Variants in NEB observed in about 807,000 individuals in gnomAD.
NEB encodes the protein nemaline myopathy type 2.
A neutral mutation model predicts 952.2 loss-of-function variants in NEB; 512 were observed. That is an observed-to-expected ratio of 0.54 (90% CI 0.50 to 0.58). The LOEUF is 0.58. Ranked by LOEUF, NEB falls within the 20% of genes least tolerant of loss-of-function variation. The pLI, the probability that NEB is intolerant of heterozygous loss-of-function variation, is 0.00. For synonymous variants in NEB, 2,900 were observed against 3,149.8 expected, an observed-to-expected ratio of 0.92 and a Z score of 2.66; for missense variants, 8,428 against 9,231.1, an observed-to-expected ratio of 0.91 and a Z score of 3.56.
intron 55 of NEB, among the ~76,000 whole-genome samples, chr2:151,644,999 A>G (rs2098936111): frequency 6.6e-6 from 1 of 152,184 alleles, no homozygotes; most frequent in Non-Finnish European, 1.5e-5. Flanking sequence ...CTGTAACACA[A>G]TGGGAAGTAT....
Position 151,537,852 on chromosome 2 carries a change from TAGA to T in NEB, c.21102+17_21102+19del, listed in dbSNP as rs1378609693. 10 of 1,488,532 alleles carry T rather than the reference TAGA, an allele frequency of 6.7e-6. No homozygotes were observed. In the East Asian group the frequency reaches 2.3e-4, roughly 34 times the overall value. The allele number at this position is 1,488,532 out of a possible 1,614,324, so 92.2% of individuals were successfully genotyped here. ...GGGAATATGAATTTATATGTGAAAA[TAGA>T]AGATGTCAACACTCACATCACTGAC... On this transcript the variant is annotated intron_variant, in intron 140 of 181. Coordinates refer to ENST00000397345, the MANE Select transcript of NEB (RefSeq NM_001164508.2).
rs2099076718 is a variant in NEB, at chr2:151,655,394, G to A, written c.6703-20C>T. 3 of 1,410,412 alleles carry A rather than the reference G, an allele frequency of 2.1e-6. No homozygotes were observed. Among genetic ancestry groups the A allele is most frequent in the South Asian group, 1.3e-5 (1 of 76,780 alleles). 87.4% of individuals were successfully genotyped at this position (1,410,412 alleles called of 1,614,324 possible). On this transcript the variant is annotated intron_variant, in intron 50 of 181. Coordinates refer to ENST00000397345, the MANE Select transcript of NEB (RefSeq NM_001164508.2). The stretch of plus-strand genomic sequence containing the variant: ...TAAATGCTAGGAAGTGGGAAAAAAA[G>A]ACATGAAATTTGAATAACTGGGACA...
intron 67 of NEB, among the ~76,000 whole-genome samples, chr2:151,630,185 G>T (rs1443928747): frequency 6.6e-6 from 1 of 152,098 alleles, no homozygotes; most frequent in African/African-American, 2.4e-5. Flanking sequence ...AATTTTGGTT[G>T]TATCATATTA....
At chr2:151,498,423 T>C (rs578076414) in intron 169 of NEB, 71 bp from the exon 170 acceptor site, 16 of 1,103,770 alleles carry the variant, frequency 1.4e-5, no homozygotes, top group Non-Finnish European at 2.1e-5. Context: ...TTTGGAGCAG[T>C]TGGGAGTGGG....
intron 42 of NEB, 120 bp from the exon 43 acceptor site, chr2:151,664,983 T>C (rs1267690573): frequency 2.6e-6 from 2 of 756,010 alleles, no homozygotes; most frequent in Non-Finnish European, 4.2e-6. Flanking sequence ...AGAAAATGGA[T>C]GAAATAACAA....
chr2:151,623,239 G>T (rs1008192366), intron 71 of NEB, among the ~76,000 whole-genome samples: 1 of 152,044 alleles, frequency 6.6e-6, no homozygotes, highest in African/African-American at 2.4e-5. Context: ...GGTTTATTGA[G>T]TTAGATAAAG....
At chr2:151,663,012 T>TC (rs1239395207) in intron 45 of NEB, among the ~76,000 whole-genome samples, 1 of 152,196 alleles carries the variant, frequency 6.6e-6, no homozygotes. Flanking sequence ...TCTCCAACCA[T>TC]CAAATGGACT....
intron 8 of NEB, 29 bp from the exon 9 acceptor site, chr2:151,723,515 A>G: frequency 6.7e-7 from 1 of 1,501,094 alleles, no homozygotes; most frequent in Non-Finnish European, 9.2e-7. Flanking sequence ...AAAAGTTAGG[A>G]GGAAGTAGGG....
At position 151,519,009 on chromosome 2, in the gene NEB, G is replaced by A. The variant is rs776071706; in HGVS notation, c.22651C>T (p.Leu7551=). 1 of 1,613,724 alleles carries A rather than the reference G, an allele frequency of 6.2e-7. No individual in the cohort carries two copies. Among genetic ancestry groups the A allele is most frequent in the South Asian group, 1.1e-5 (1 of 91,060 alleles). The change falls in exon 155 of 182, where the codon CTG becomes TTG. Residue 7551 remains leucine, a synonymous_variant. Transcript: ENST00000397345. ...GTATTCAGGACATGATTCATGATCA[G>A]AGACTCCTTCATGTCAGTCACGGGT... The part of the protein sequence containing the change: ...HKPVTDMKES[L]IMNHVLNTSQ...
chr2:151,701,380 A>C (rs1177350551), intron 13 of NEB, among the ~76,000 whole-genome samples: 1 of 151,584 alleles, frequency 6.6e-6, no homozygotes, highest in Admixed American at 6.6e-5. Context: ...CTGGCCTCAT[A>C]AAATGAGTTA....
At position 151,497,278 on chromosome 2, in the gene NEB, G is replaced by GTTATT. The variant is rs199868095; in HGVS notation, c.24301-250_24301-246dup. ...GGGAAAGGCTGTCAGAGTTATCCAT[G>GTTATT]TTATTTTTTTTTTTCCTTTTTTGTG... On this transcript the variant is annotated intron_variant, in intron 171 of 181. Transcript: ENST00000397345. 1,831 of 919,360 alleles carry GTTATT rather than the reference G, an allele frequency of 2.0e-3. 33 individuals are homozygous for GTTATT. The African/African-American group carries it at 0.031, about 15-fold the overall frequency. 57.0% of individuals were successfully genotyped at this position (919,360 alleles called of 1,614,324 possible).
Position 151,489,951 on chromosome 2 carries a change from G to T in NEB, c.25404+20C>A. On this transcript the variant is annotated intron_variant, in intron 181 of 181. Coordinates refer to ENST00000397345, the MANE Select transcript of NEB (RefSeq NM_001164508.2). Reference sequence around the variant, plus strand: ...CAAAAATTAAGAATAATTTATTTAAGTGAGTTGTTATTCACTTACTCCAGC... The same window carrying T: ...CAAAAATTAAGAATAATTTATTTAATTGAGTTGTTATTCACTTACTCCAGC... 6.6e-7 allele frequency: 1 copy of T among 1,513,708 alleles called. No homozygotes were observed. The highest frequency in any genetic ancestry group is 9.2e-7 in the Non-Finnish European group (1 of 1,088,724). The allele number at this position is 1,513,708 out of a possible 1,614,324, so 93.8% of individuals were successfully genotyped here.
chr2:151,551,895 T>C (rs1219315990), intron 128 of NEB, 50 bp from the exon 129 acceptor site: 5 of 1,352,414 alleles, frequency 3.7e-6, no homozygotes, highest in Non-Finnish European at 5.2e-6. Context: ...GGAACCCAGG[T>C]TCCTCTTTAA....
rs781685439 is a variant in NEB at position 151,710,386 on chromosome 2, G to A, written c.927+48C>T. 9.1e-6 allele frequency: 12 copies of A among 1,312,860 alleles called. No individual in the cohort carries two copies. In the South Asian group the frequency reaches 1.5e-4, roughly 17 times the overall value. The allele number at this position is 1,312,860 out of a possible 1,614,324, so 81.3% of individuals were successfully genotyped here. On this transcript the variant is annotated intron_variant, in intron 11 of 181. Coordinates refer to ENST00000397345, the MANE Select transcript of NEB (RefSeq NM_001164508.2). Reference sequence around the variant, plus strand: ...AAGTAGCTAGAAGTCACTAAGGAAAGGGGTCTCCCTCCCAGGATGACCAAC... The same window carrying A: ...AAGTAGCTAGAAGTCACTAAGGAAAAGGGTCTCCCTCCCAGGATGACCAAC...
intron 34 of NEB, among the ~76,000 whole-genome samples, chr2:151,675,964 C>T (rs1007899183): frequency 6.6e-6 from 1 of 152,116 alleles, no homozygotes; most frequent in African/African-American, 2.4e-5. Context: ...TGAAAGATGT[C>T]AAAGTATGTG....
chr2:151,506,358 A>G (rs2068843457), intron 163 of NEB, 100 bp from the exon 164 acceptor site: 7 of 872,778 alleles, frequency 8.0e-6, no homozygotes, highest in Non-Finnish European at 1.3e-5. Flanking sequence ...AAAACAAGAC[A>G]CTAGACGATG....
chr2:151,718,954 G>A (rs912913899), intron 9 of NEB, among the ~76,000 whole-genome samples: 5 of 151,990 alleles, frequency 3.3e-5, no homozygotes, highest in East Asian at 1.9e-4. Context: ...TCACGGCCTC[G>A]TACATGCTGT....
chr2:151,676,104 T>C (rs1471427088), intron 34 of NEB, among the ~76,000 whole-genome samples: 1 of 152,190 alleles, frequency 6.6e-6, no homozygotes, highest in Non-Finnish European at 1.5e-5. Context: ...TATATCCTTA[T>C]TTCCAAGGCA....
chr2:151,497,072 T>TAACA, intron 171 of NEB, 39 bp from the exon 172 acceptor site: 1 of 1,543,224 alleles, frequency 6.5e-7, no homozygotes, highest in Non-Finnish European at 8.8e-7. Flanking sequence ...CAACCATGAG[T>TAACA]AACATTTCAT....
Sources: gnomAD v4.1 joint callset for allele counts (sites outside exome capture counted in the v4.1 genomes callset) on GRCh38, gnomAD v4.1.1 for gene constraint, MANE v1.5 for transcripts, NCBI Gene and HGNC (gene_info 2026-07-23, HGNC 2026-07-21) for gene names.